Variants in MTOR observed in about 807,000 individuals in gnomAD.
The protein encoded by MTOR is mechanistic target of rapamycin kinase.
In MTOR, 70 loss-of-function variants were observed where a neutral mutation model predicts 319.8. The ratio of observed to expected loss-of-function variants is 0.22; its 90% CI spans 0.18 to 0.27. The LOEUF (loss-of-function observed/expected upper bound fraction) is 0.27, where lower values mean the gene tolerates loss of function less well. Ranked by LOEUF, MTOR falls within the 10% of genes least tolerant of loss-of-function variation. MTOR has a pLI of 1.00. For synonymous variants in MTOR, 1,183 were observed against 1,211.4 expected (o/e 0.98, Z 0.49); for missense variants, 1,890 against 3,274.4 (o/e 0.58, Z 10.32).
In MTOR at chr1:11,216,243, G is replaced by T. The variant is rs1557433508; in HGVS notation, c.3031-9C>A. The T allele has an allele frequency of 6.2e-7, 1 of 1,611,652 alleles. No homozygotes were observed. Among genetic ancestry groups the T allele is most frequent in the Admixed American group, 1.7e-5 (1 of 60,020 alleles). On this transcript the variant is annotated splice_polypyrimidine_tract_variant and intron_variant, in intron 19 of 57. Transcript: ENST00000361445. ...AGCTGCTGGAACAAAAACTGAAATG[G>T]ACAAGAGGTCAACCAGCTGGTATCA... is the stretch of plus-strand genomic sequence containing the variant.
intron 31 of MTOR, among the ~76,000 whole-genome samples, chr1:11,148,525 G>A (rs1557775040): frequency 6.6e-6 from 1 of 152,058 alleles, no homozygotes; most frequent in Non-Finnish European, 1.5e-5. Flanking sequence ...TATTGAGAAG[G>A]CCAATTATAG....
At chr1:11,202,201 G>A (rs1645992975) in intron 26 of MTOR, among the ~76,000 whole-genome samples, 1 of 151,994 alleles carries the variant, frequency 6.6e-6, no homozygotes, top group Non-Finnish European at 1.5e-5. Context: ...AGGCCGAGGT[G>A]GGCAGATTGC....
intron 15 of MTOR, chr1:11,233,040 A>T: frequency 9.9e-7 from 1 of 1,007,022 alleles, no homozygotes; most frequent in South Asian, 1.3e-5. Context: ...TCCCCAGTGG[A>T]TTCGGATGAA....
rs1317124779 is a variant in MTOR at position 11,256,088 on chromosome 1, C to T, written c.609G>A (p.Gln203=). The T allele has an allele frequency of 2.5e-6, 4 of 1,614,050 alleles. No individual in the cohort carries two copies. The highest frequency in any genetic ancestry group is 3.4e-6 in the Non-Finnish European group (4 of 1,180,050). ...CGGCTACAGCTCCCTCACGGATGGC[C>T]TGTTTGGGGTCCCACACGGCCACAA... ...NIFVAVWDPK[Q]AIREGAVAAL... The change falls in exon 5 of 58, where the codon CAG becomes CAA. Residue 203 remains glutamine (Q), a synonymous_variant. Transcript: ENST00000361445.
intron 9 of MTOR, 71 bp from the exon 10 acceptor site, chr1:11,241,752 T>C: frequency 3.9e-6 from 6 of 1,555,632 alleles, no homozygotes; most frequent in Admixed American, 1.8e-5. Context: ...AAAATCACCT[T>C]GGGGCAAGGA....
At chr1:11,107,583 C>A in intron 57 of MTOR, 83 bp from the exon 58 acceptor site, 1 of 1,498,638 alleles carries the variant, frequency 6.7e-7, no homozygotes, top group East Asian at 2.3e-5. Context: ...AATGAAAAGG[C>A]CAAGGTCTGA....
Position 11,258,579 on chromosome 1 carries a change from C to T in MTOR, c.177G>A (p.Glu59=). The T allele has an allele frequency of 1.2e-6, 2 of 1,612,386 alleles. No individual in the cohort carries two copies. Among genetic ancestry groups the T allele is most frequent in the Non-Finnish European group, 1.7e-6 (2 of 1,178,922 alleles). ...TMELREMSQE[E]STRFYDQLNH... ...TCAGTTGGTCATAGAAGCGAGTAGA[C>T]TCCTCTTGACTCATCTGCAAAAGAA... The change falls in exon 3 of 58, where the codon GAG becomes GAA. Residue 59 remains glutamate (E), a synonymous_variant. Transcript: ENST00000361445.
intron 47 of MTOR, among the ~76,000 whole-genome samples, chr1:11,123,580 T>C (rs1642657620): frequency 6.6e-6 from 1 of 152,132 alleles, no homozygotes; most frequent in South Asian, 2.1e-4. Flanking sequence ...ATGATTCTTC[T>C]GCCTCCATCT....
chr1:11,249,867 C>A (rs957110446), intron 6 of MTOR, among the ~76,000 whole-genome samples: 22 of 151,386 alleles, frequency 1.5e-4, no homozygotes, highest in African/African-American at 5.3e-4. Flanking sequence ...TTTTCCCCAC[C>A]TTTGCCCCCT....
In MTOR at chr1:11,200,892, G is replaced by A. The variant is rs568697212; in HGVS notation, c.3945-1189C>T. Among the ~76,000 whole-genome samples the A allele has an allele frequency of 3.3e-5, 5 of 152,052 alleles. 1 individual carries two copies. Among genetic ancestry groups the A allele is most frequent in the African/African-American group, 1.2e-4 (5 of 41,468 alleles). On this transcript the variant is annotated intron_variant, in intron 26 of 57. Coordinates refer to ENST00000361445, the MANE Select transcript of MTOR (RefSeq NM_004958.4). Reference sequence around the variant, plus strand: ...TAGCCGGGCGCGGTGGTGGTGGCCTGTAGTCCCAGCTTCTCAGGAGGCTGA... The same window carrying A: ...TAGCCGGGCGCGGTGGTGGTGGCCTATAGTCCCAGCTTCTCAGGAGGCTGA...
chr1:11,199,653 T>C lies in MTOR; in HGVS notation c.3995A>G (p.Asp1332Gly). 1.2e-6 allele frequency: 2 copies of C among 1,614,148 alleles called. No individual in the cohort carries two copies. The highest frequency in any genetic ancestry group is 1.7e-6 in the Non-Finnish European group (2 of 1,180,010). ...GCTTCTGATGAGCTCATCCTGTTGATCTTCATTCAGTTCAGACCAGCAGGA... is the reference window on the plus strand; with the variant it reads ...GCTTCTGATGAGCTCATCCTGTTGACCTTCATTCAGTTCAGACCAGCAGGA... ...FVSCWSELNEDQQDELIRSIE... is the reference protein window; with the variant it reads ...FVSCWSELNEGQQDELIRSIE... The change falls in exon 27 of 58, where the codon GAT becomes GGT. Residue 1332 changes from aspartate to glycine, a missense_variant. Around this residue, in one of 15 missense-constraint regions of MTOR, gnomAD observed 49 missense variants for 119.1 expected, o/e 0.41. Coordinates refer to ENST00000361445, the MANE Select transcript of MTOR (RefSeq NM_004958.4). This position sits in a 1 kb window ranked among gnomAD's most constrained non-coding sequence, Gnocchi z 4.5.
intron 28 of MTOR, chr1:11,192,313 C>T: frequency 6.2e-7 from 1 of 1,614,084 alleles, no homozygotes; most frequent in African/African-American, 1.3e-5. Flanking sequence ...AGAACTACCG[C>T]ATCTCTGGAG....
At chr1:11,193,218 G>A (rs571618548) in intron 28 of MTOR, among the ~76,000 whole-genome samples, 3 of 151,892 alleles carry the variant, frequency 2.0e-5, no homozygotes, top group Non-Finnish European at 1.5e-5. Context: ...AGGAAGGCAG[G>A]AGAATCACTG....
intron 36 of MTOR, among the ~76,000 whole-genome samples, chr1:11,136,772 G>A (rs1246409045): frequency 1.3e-5 from 2 of 151,806 alleles, no homozygotes; most frequent in Non-Finnish European, 2.9e-5. Flanking sequence ...CAAAGTGCTG[G>A]GATTACAGGT....
intron 25 of MTOR, among the ~76,000 whole-genome samples, chr1:11,204,975 T>C (rs754685548): frequency 2.0e-5 from 3 of 152,186 alleles, no homozygotes; most frequent in Non-Finnish European, 2.9e-5. Context: ...ATACATGGGA[T>C]TGCCACACTC....
In MTOR at chr1:11,128,144, G is replaced by T; in HGVS notation, c.5911-18C>A. 1 of 1,613,042 alleles carries T rather than the reference G, an allele frequency of 6.2e-7. No homozygotes were observed. The highest frequency in any genetic ancestry group is 8.5e-7 in the Non-Finnish European group (1 of 1,179,688). On this transcript the variant is annotated intron_variant, in intron 42 of 57. Transcript: ENST00000361445. The surrounding 1 kb of genome is among the most constrained non-coding windows in gnomAD (Gnocchi z 5.3). ...ATGAGGGCCTGAGGGAAAAACAGAA[G>T]AAACATCTATAAAGGAAATGTGGGT... is the stretch of plus-strand genomic sequence containing the variant.
At chr1:11,190,510 G>A (rs1453605791) in intron 28 of MTOR, among the ~76,000 whole-genome samples, 1 of 152,198 alleles carries the variant, frequency 6.6e-6, no homozygotes, top group Non-Finnish European at 1.5e-5. Context: ...TTGTGTTCAG[G>A]AAGGATGCGG....
At chr1:11,233,335 T>G in intron 15 of MTOR, 63 bp downstream of exon 15, 1 of 1,445,810 alleles carries the variant, frequency 6.9e-7, no homozygotes. Flanking sequence ...TATTTTGACT[T>G]CCTTAGAGGT....
intron 54 of MTOR, 21 bp downstream of exon 54, chr1:11,112,831 A>G: frequency 6.2e-7 from 1 of 1,613,390 alleles, no homozygotes; most frequent in Non-Finnish European, 8.5e-7. Flanking sequence ...AGCCTTTGCG[A>G]CCTCCCGTGG....
Sources: allele counts gnomAD v4.1 joint callset (sites outside exome capture counted in the v4.1 genomes callset), GRCh38; gene constraint gnomAD v4.1.1; regional missense constraint gnomAD v4.1.1; non-coding constraint Gnocchi (gnomAD v3.1); transcripts MANE v1.5; gene names NCBI Gene and HGNC (gene_info 2026-07-23, HGNC 2026-07-21).